Variants in PIAS1 observed in about 807,000 individuals in gnomAD.
PIAS1 encodes the protein protein inhibitor of activated STAT 1.
PIAS1 carries 6 observed loss-of-function variants against 71.3 expected under a neutral mutation model. That is an observed-to-expected ratio of 0.08 (90% CI 0.05 to 0.17). The LOEUF (loss-of-function observed/expected upper bound fraction) is 0.17, where lower values mean the gene tolerates loss of function less well. PIAS1 is among the 10% of genes least tolerant of loss of function. PIAS1 has a pLI of 1.00. For synonymous variants in PIAS1, 303 were observed against 292.9 expected, an observed-to-expected ratio of 1.03 and a Z score of -0.35; for missense variants, 555 against 793.6, an observed-to-expected ratio of 0.70 and a Z score of 3.61.
At chr15:68,106,786 C>T (rs1213090416) in intron 2 of PIAS1, among the ~76,000 whole-genome samples, 1 of 152,188 alleles carries the variant, frequency 6.6e-6, no homozygotes, top group Admixed American at 6.5e-5. Flanking sequence ...AGTGTATTAG[C>T]CCTACTGCTG....
At chr15:68,107,685 A>G (rs1303721831) in intron 2 of PIAS1, among the ~76,000 whole-genome samples, 4 of 152,198 alleles carry the variant, frequency 2.6e-5, no homozygotes, top group Non-Finnish European at 5.9e-5. Flanking sequence ...AAGAGCAATT[A>G]TAAAACTAAT....
intron 1 of PIAS1, among the ~76,000 whole-genome samples, chr15:68,083,912 A>G (rs535552833): frequency 2.0e-3 from 306 of 152,222 alleles, no homozygotes; most frequent in Non-Finnish European, 3.6e-3. Flanking sequence ...GATAGCAGCT[A>G]CTATTTGAGT....
At chr15:68,165,155 C>T (rs764437930) in intron 8 of PIAS1, among the ~76,000 whole-genome samples, 3 of 151,996 alleles carry the variant, frequency 2.0e-5, no homozygotes, top group Non-Finnish European at 4.4e-5. Flanking sequence ...GAGTTTCGCT[C>T]TTGTTGCCCA....
chr15:68,110,510 T>C (rs544611037), intron 2 of PIAS1, among the ~76,000 whole-genome samples: 95 of 151,904 alleles, frequency 6.3e-4, no homozygotes, highest in Admixed American at 1.0e-3. Context: ...GCAGGAGAAT[T>C]GCTTGAAACT....
At chr15:68,088,013 T>C (rs1224076762) in intron 2 of PIAS1, 2 of 234,482 alleles carry the variant, frequency 8.5e-6, no homozygotes, top group East Asian at 2.1e-4. Context: ...ATTGCCAAAG[T>C]TCCTTCCTTG....
At chr15:68,141,083 G>A (rs558917931) in intron 2 of PIAS1, among the ~76,000 whole-genome samples, 1 of 152,160 alleles carries the variant, frequency 6.6e-6, no homozygotes, top group Admixed American at 6.5e-5. Flanking sequence ...CATGCCTATA[G>A]TCCTACCTAC....
chr15:68,192,090 C>G lies in PIAS1; in HGVS notation c.*4255C>G, dbSNP rs1047960774. ...GTACCCTCATTTATTATATCCAGAA[C>G]TTGCTCTTCCTGTGCCATCTAAATC... On this transcript the variant is annotated 3_prime_UTR_variant, in exon 14 of 14. Coordinates refer to ENST00000249636, the MANE Select transcript of PIAS1 (RefSeq NM_016166.3). The G allele has an allele frequency of 6.6e-6, 1 of 152,260 alleles. No individual in the cohort carries two copies. The highest frequency in any genetic ancestry group is 2.1e-4 in the South Asian group (1 of 4,834). 9.4% of individuals were successfully genotyped at this position (152,260 alleles called of 1,614,324 possible).
At chr15:68,164,915 A>C in intron 8 of PIAS1, 111 bp downstream of exon 8, 1 of 611,280 alleles carries the variant, frequency 1.6e-6, no homozygotes, top group South Asian at 2.3e-5. Flanking sequence ...TATGTCCACC[A>C]TTGTTACAGT....
At chr15:68,096,679 C>G (rs2092378363) in intron 2 of PIAS1, among the ~76,000 whole-genome samples, 1 of 151,990 alleles carries the variant, frequency 6.6e-6, no homozygotes, top group African/African-American at 2.4e-5. Flanking sequence ...CTTGATGCTA[C>G]TGAAAATTGA....
chr15:68,085,430 T>C (rs2092271143), intron 1 of PIAS1, among the ~76,000 whole-genome samples: 1 of 152,170 alleles, frequency 6.6e-6, no homozygotes, highest in South Asian at 2.1e-4. Flanking sequence ...GTAAACAAAG[T>C]TAAATAGATT....
intron 6 of PIAS1, among the ~76,000 whole-genome samples, chr15:68,151,053 CAGTAT>C (rs1290317783): frequency 6.6e-6 from 1 of 151,008 alleles, no homozygotes; most frequent in Non-Finnish European, 1.5e-5. Context: ...ACAAAACTAT[CAGTAT>C]AATATAATAT....
chr15:68,168,636 G>A (rs2092971639), intron 8 of PIAS1, among the ~76,000 whole-genome samples: 1 of 151,904 alleles, frequency 6.6e-6, no homozygotes. Context: ...AGAGAAAATC[G>A]ATATCTGTTT....
chr15:68,061,614 AC>A (rs2091959846), intron 1 of PIAS1, among the ~76,000 whole-genome samples: 2 of 152,188 alleles, frequency 1.3e-5, no homozygotes, highest in Non-Finnish European at 2.9e-5. Flanking sequence ...ACTGTTGTAA[AC>A]GTTCCTATTT....
In PIAS1 at chr15:68,108,574, C is replaced by T. The variant is rs549069538; in HGVS notation, c.469+21824C>T. On this transcript the variant is annotated intron_variant, in intron 2 of 13. Transcript: ENST00000249636. ...CCTAAATTTATATCTCAAGACCTCTCTCATGAGTTCTGGAGTTTCATCCGA... is the reference window on the plus strand; with the variant it reads ...CCTAAATTTATATCTCAAGACCTCTTTCATGAGTTCTGGAGTTTCATCCGA... 1.7e-4 allele frequency among the ~76,000 whole-genome samples: 26 copies of T among 152,330 alleles called. No homozygotes were observed. In the South Asian group the frequency reaches 4.8e-3, roughly 28 times the overall value.
At chr15:68,077,116 G>A (rs1170211837) in intron 1 of PIAS1, among the ~76,000 whole-genome samples, 2 of 152,174 alleles carry the variant, frequency 1.3e-5, no homozygotes, top group African/African-American at 2.4e-5. Flanking sequence ...TAGAATAAAG[G>A]TTTTAGTTAA....
chr15:68,055,364 T>G, intron 1 of PIAS1: 1 of 208,160 alleles, frequency 4.8e-6, no homozygotes, highest in Non-Finnish European at 8.4e-6. Context: ...CTCTTAACAG[T>G]ACCAATTACT....
At chr15:68,056,013 T>C in intron 1 of PIAS1, 1 of 669,020 alleles carries the variant, frequency 1.5e-6, no homozygotes, top group Non-Finnish European at 2.7e-6. Context: ...TTTTCCCCAG[T>C]TTCAAACTAT....
At chr15:68,156,372 G>A (rs1361158279) in intron 7 of PIAS1, among the ~76,000 whole-genome samples, 4 of 152,120 alleles carry the variant, frequency 2.6e-5, no homozygotes, top group Non-Finnish European at 4.4e-5. Context: ...TGGGAACAGA[G>A]TATGCCAGGA....
Position 68,084,254 on chromosome 15 carries a change from T to C in PIAS1, c.25-2052T>C, listed in dbSNP as rs139556563. 5.5e-3 allele frequency among the ~76,000 whole-genome samples: 833 copies of C among 152,286 alleles called. 2 individuals carry two copies. Among genetic ancestry groups the C allele is most frequent in the East Asian group, 0.015 (78 of 5,186 alleles). ...CTCTTCAAAATTTGTACTTTTTTTT[T>C]CTGTAAAATGCAGTACATTTGACCC... On this transcript the variant is annotated intron_variant, in intron 1 of 13. Coordinates refer to ENST00000249636, the MANE Select transcript of PIAS1 (RefSeq NM_016166.3).
Sources: allele counts gnomAD v4.1 joint callset (sites outside exome capture counted in the v4.1 genomes callset), GRCh38; gene constraint gnomAD v4.1.1; transcripts MANE v1.5; gene names NCBI Gene and HGNC (gene_info 2026-07-23, HGNC 2026-07-21).